The following SIRT2 variants were observed in gnomAD, a reference collection of about 807,000 sequenced individuals.
SIRT2 encodes sirtuin 2.
In SIRT2, 40 loss-of-function variants were observed where a neutral mutation model predicts 57.4. That is an observed-to-expected ratio of 0.70 (90% CI 0.54 to 0.91). The LOEUF (loss-of-function observed/expected upper bound fraction) is 0.91. Among genes scored for constraint, SIRT2 ranks in the 40% least tolerant of loss-of-function variants. The probability of loss-of-function intolerance (pLI) is 0.00; values close to 1 mark genes in which losing one functional copy is unlikely to be tolerated. For missense variants in SIRT2, 439 were observed against 510.4 expected, an observed-to-expected ratio of 0.86 and a Z score of 1.35; for synonymous variants, 161 against 195.7, an observed-to-expected ratio of 0.82 and a Z score of 1.48.
chr19:38,889,831 G>T, intron 6 of SIRT2, 24 bp downstream of exon 6: 2 of 1,612,180 alleles, frequency 1.2e-6, no homozygotes, highest in Non-Finnish European at 1.7e-6. Context: ...CCTCACAGAC[G>T]CCCCTTCCTG....
chr19:38,888,030 A>G (rs1973398569), intron 8 of SIRT2, among the ~76,000 whole-genome samples: 1 of 152,228 alleles, frequency 6.6e-6, no homozygotes, highest in Non-Finnish European at 1.5e-5. Flanking sequence ...CTGGGATTAC[A>G]GGCGTGAGCC....
At chr19:38,889,596 C>G (rs1032496122) in intron 7 of SIRT2, 93 bp downstream of exon 7, 2 of 1,422,346 alleles carry the variant, frequency 1.4e-6, no homozygotes, top group African/African-American at 2.8e-5. Flanking sequence ...TTAATGGCTA[C>G]ATAATATTTG....
intron 5 of SIRT2, 37 bp from the exon 6 acceptor site, chr19:38,889,998 C>T: frequency 6.2e-7 from 1 of 1,610,502 alleles, no homozygotes. Context: ...TGGTCTATAC[C>T]ATACTAACCC....
rs145562881 is a variant in SIRT2 at position 38,893,590 on chromosome 19, G to A, written c.113-63C>T. 6.4e-3 allele frequency: 8,389 copies of A among 1,301,358 alleles called. 34 individuals carry two copies. The highest frequency in any genetic ancestry group is 7.9e-3 in the Non-Finnish European group (7,217 of 911,572). 80.6% of individuals were successfully genotyped at this position (1,301,358 alleles called of 1,614,324 possible). A position where few individuals can be genotyped will look rare whatever the true frequency, so the allele number is the denominator to read the frequency against. On this transcript the variant is annotated intron_variant, in intron 3 of 15. Coordinates refer to ENST00000249396, the MANE Select transcript of SIRT2 (RefSeq NM_012237.4). ...TTCAGCCAGGGGCATGGATGTCTCC[G>A]GCACCCTGGCCCCAGCCCTGGGGTT... is the stretch of plus-strand genomic sequence containing the variant.
At chr19:38,895,483 C>T (rs796289957) in intron 2 of SIRT2, among the ~76,000 whole-genome samples, 16 of 152,314 alleles carry the variant, frequency 1.1e-4, no homozygotes, top group African/African-American at 3.1e-4. Context: ...GGCTGGACCA[C>T]GGCTGGGCCC....
chr19:38,881,393 C>A (rs1215639895), intron 10 of SIRT2, 39 bp downstream of exon 10: 3 of 1,605,560 alleles, frequency 1.9e-6, no homozygotes, highest in South Asian at 1.1e-5. Flanking sequence ...GGGACCCCCA[C>A]CCAAATCCAC....
Position 38,894,216 on chromosome 19 carries a change from C to T in SIRT2, c.64-349G>A, listed in dbSNP as rs1973644268. 3 of 292,890 alleles carry T rather than the reference C, an allele frequency of 1.0e-5. No homozygotes were observed. In the Admixed American group the frequency reaches 1.4e-4, roughly 14 times the overall value. 18.1% of individuals were successfully genotyped at this position (292,890 alleles called of 1,614,324 possible). A position where few individuals can be genotyped will look rare whatever the true frequency, so the allele number is the denominator to read the frequency against. On this transcript the variant is annotated intron_variant, in intron 2 of 15. Coordinates refer to ENST00000249396, the MANE Select transcript of SIRT2 (RefSeq NM_012237.4). ...AGCTCAAGGGATCCTCCCACCTCAG[C>T]CTCCCAAGTAGCTGGGACCACAGGC...
chr19:38,895,123 C>T (rs999243381), intron 2 of SIRT2, among the ~76,000 whole-genome samples: 2 of 151,718 alleles, frequency 1.3e-5, no homozygotes, highest in Non-Finnish European at 2.9e-5. Flanking sequence ...TACGCTGAGC[C>T]TCCTAAGGGT....
intron 2 of SIRT2, among the ~76,000 whole-genome samples, chr19:38,897,077 G>C (rs980228685): frequency 6.6e-6 from 1 of 152,200 alleles, no homozygotes; most frequent in Admixed American, 6.5e-5. Flanking sequence ...CCGAGGGACG[G>C]GGGATAAGTG....
chr19:38,884,605 T>C (rs2144676713), intron 8 of SIRT2, among the ~76,000 whole-genome samples: 1 of 152,196 alleles, frequency 6.6e-6, no homozygotes, highest in South Asian at 2.1e-4. Context: ...CGCACCACCA[T>C]GACTGGCTAA....
Position 38,884,452 on chromosome 19 carries a change from G to T in SIRT2, c.502-696C>A, listed in dbSNP as rs545255314. Among the ~76,000 whole-genome samples, 517 of 151,766 alleles carry T rather than the reference G, an allele frequency of 3.4e-3. 2 individuals are homozygous for T. Among genetic ancestry groups the T allele is most frequent in the African/African-American group, 0.012 (504 of 41,300 alleles). Reference sequence around the variant, plus strand: ...CTAGGTGTGGTTTGTTTGTTTGTTTGTTTGTTTGTTTTTTGAGATGGAGTC... The same window carrying T: ...CTAGGTGTGGTTTGTTTGTTTGTTTTTTTGTTTGTTTTTTGAGATGGAGTC... On this transcript the variant is annotated intron_variant, in intron 8 of 15. Transcript: ENST00000249396.
At position 38,889,876 on chromosome 19, in the gene SIRT2, G is replaced by A; in HGVS notation, c.354C>T (p.Ile118=). Residue 118 remains isoleucine, a synonymous_variant, in exon 6 of 16, where the codon ATC becomes ATT. Transcript: ENST00000249396. ...AAACCTTGAAATAGCTGATCTCAAA[G>A]ATGGCCTCTGGGTAGGGAAGATGGT... The part of the protein sequence containing the change: ...EKYHLPYPEA[I]FEISYFKKHP... 1 of 1,614,098 alleles carries A rather than the reference G, an allele frequency of 6.2e-7. No individual in the cohort carries two copies. The highest frequency in any genetic ancestry group is 8.5e-7 in the Non-Finnish European group (1 of 1,179,942).
intron 4 of SIRT2, 123 bp downstream of exon 4, chr19:38,893,291 C>G: frequency 1.5e-6 from 1 of 685,108 alleles, no homozygotes; most frequent in Non-Finnish European, 2.6e-6. Flanking sequence ...TAAGCCAGTT[C>G]CAGCTGGGTT....
chr19:38,896,813 G>A (rs1973732001), intron 2 of SIRT2, among the ~76,000 whole-genome samples: 1 of 152,146 alleles, frequency 6.6e-6, no homozygotes, highest in South Asian at 2.1e-4. Context: ...TCTGATGCCC[G>A]CTTCTGCACC....
chr19:38,891,101 A>G (rs1973519174), intron 4 of SIRT2, among the ~76,000 whole-genome samples: 2 of 152,260 alleles, frequency 1.3e-5, no homozygotes, highest in African/African-American at 4.8e-5. Flanking sequence ...CCCTACACTG[A>G]GTCGTGACCT....
At chr19:38,883,993 C>T (rs1019440944) in intron 8 of SIRT2, among the ~76,000 whole-genome samples, 3 of 151,774 alleles carry the variant, frequency 2.0e-5, no homozygotes, top group African/African-American at 4.8e-5. Context: ...CTGGGCATGG[C>T]GGCTCACGCC....
intron 13 of SIRT2, 26 bp from the exon 14 acceptor site, chr19:38,879,728 G>T (rs1973076312): frequency 6.5e-7 from 1 of 1,541,124 alleles, no homozygotes; most frequent in East Asian, 2.4e-5. Context: ...TGGGTCAGGG[G>T]CAGGAGCAGG....
At chr19:38,896,960 C>T (rs557399892) in intron 2 of SIRT2, among the ~76,000 whole-genome samples, 24 of 152,242 alleles carry the variant, frequency 1.6e-4, no homozygotes, top group Non-Finnish European at 1.8e-4. Context: ...GAGGTGCTGA[C>T]GGGGGCCTTC....
chr19:38,891,948 A>G (rs1405950044), intron 4 of SIRT2: 2 of 469,716 alleles, frequency 4.3e-6, no homozygotes, highest in Admixed American at 4.7e-5. Context: ...TGGCTGCCTG[A>G]GGAGGGAGAC....
Sources: gnomAD v4.1 joint callset for allele counts (sites outside exome capture counted in the v4.1 genomes callset) on GRCh38, gnomAD v4.1.1 for gene constraint, MANE v1.5 for transcripts, NCBI Gene and HGNC (gene_info 2026-07-23, HGNC 2026-07-21) for gene names.